Variants in PPP6R3 observed in about 807,000 individuals in gnomAD.
The protein encoded by PPP6R3 is protein phosphatase 6 regulatory subunit 3.
PPP6R3 carries 38 observed loss-of-function variants against 110.7 expected under a neutral mutation model. The ratio of observed to expected loss-of-function variants is 0.34; its 90% CI spans 0.26 to 0.45. PPP6R3 has a LOEUF of 0.45. PPP6R3 is among the 20% of genes least tolerant of loss of function. The pLI, the probability that PPP6R3 is intolerant of heterozygous loss-of-function variation, is 1.00. For synonymous variants in PPP6R3, 369 were observed against 373.5 expected (o/e 0.99, Z 0.14); for missense variants, 870 against 1,062.4 (o/e 0.82, Z 2.52).
chr11:68,508,121 C>CTTTTTTTTTTTTTTTTTTT lies in PPP6R3; in HGVS notation c.-157-11373_-157-11355dup, dbSNP rs748376581. Among the ~76,000 whole-genome samples the CTTTTTTTTTTTTTTTTTTT allele has an allele frequency of 3.9e-4, 30 of 77,620 alleles. 3 individuals carry two copies. Among genetic ancestry groups the CTTTTTTTTTTTTTTTTTTT allele is most frequent in the African/African-American group, 1.8e-3 (30 of 16,440 alleles). 50.9% of individuals were successfully genotyped at this position (77,620 alleles called of 152,430 possible). Reference sequence around the variant, plus strand: ...CCCCGGCCTAAGTGAGTTTTTTGGCCTTTTTTTTTTTTTTTTTTTTTTTTT... The same window carrying CTTTTTTTTTTTTTTTTTTT: ...CCCCGGCCTAAGTGAGTTTTTTGGCCTTTTTTTTTTTTTTTTTTTTTTTTTTTTTTTTTTTTTTTTTTTT... On this transcript the variant is annotated intron_variant, in intron 1 of 23. Coordinates refer to ENST00000393800, the MANE Select transcript of PPP6R3 (RefSeq NM_001164161.2).
At chr11:68,611,186 G>A (rs1291115082) in intron 23 of PPP6R3, among the ~76,000 whole-genome samples, 9 of 152,126 alleles carry the variant, frequency 5.9e-5, no homozygotes, top group African/African-American at 1.9e-4. Context: ...GGGTTTCAAT[G>A]TATTTTTTAA....
At chr11:68,493,671 G>C (rs1057337257) in intron 1 of PPP6R3, among the ~76,000 whole-genome samples, 28 of 149,222 alleles carry the variant, frequency 1.9e-4, no homozygotes, top group African/African-American at 5.9e-4. Flanking sequence ...CACACACACA[G>C]AGACAGAGTA....
chr11:68,487,277 G>T (rs188636113), intron 1 of PPP6R3, among the ~76,000 whole-genome samples: 15 of 152,214 alleles, frequency 9.9e-5, no homozygotes, highest in Admixed American at 9.8e-4. Flanking sequence ...TCAAGGCCAG[G>T]TGCAATGGCT....
chr11:68,477,739 A>ATATATATATATAT (rs768026020), intron 1 of PPP6R3, among the ~76,000 whole-genome samples: 13 of 80,396 alleles, frequency 1.6e-4, no homozygotes, highest in African/African-American at 5.7e-4. Context: ...AAAAAAAAAA[A>ATATATATATATAT]AAATATATAT....
In PPP6R3 at chr11:68,609,893, C is replaced by G. The variant is rs755252271; in HGVS notation, c.2451-11C>G. The G allele has an allele frequency of 6.2e-7, 1 of 1,613,782 alleles. No homozygotes were observed. Among genetic ancestry groups the G allele is most frequent in the Non-Finnish European group, 8.5e-7 (1 of 1,179,864 alleles). ...GGGTGTTTGATGTGCCTGTCATCCT[C>G]TTTACTGCAGTGAGGAAGGGAAACT... On this transcript the variant is annotated splice_polypyrimidine_tract_variant and intron_variant, in intron 22 of 23. Coordinates refer to ENST00000393800, the MANE Select transcript of PPP6R3 (RefSeq NM_001164161.2).
chr11:68,615,240 T>TTGGCC lies in PPP6R3; in HGVS notation c.*2124_*2128dup. 2.7e-6 allele frequency: 1 copy of TTGGCC among 375,202 alleles called. No homozygotes were observed. Among genetic ancestry groups the TTGGCC allele is most frequent in the Non-Finnish European group, 5.3e-6 (1 of 189,112 alleles). 23.2% of individuals were successfully genotyped at this position (375,202 alleles called of 1,614,324 possible). A position where few individuals can be genotyped will look rare whatever the true frequency, so the allele number is the denominator to read the frequency against. ...TGTTTCTACTTTTAATTTCTGTGTGTTGGCCATACTGAATTATGAGACTAA... is the reference window on the plus strand; with the variant it reads ...TGTTTCTACTTTTAATTTCTGTGTGTTGGCCTGGCCATACTGAATTATGAGACTAA... On this transcript the variant is annotated 3_prime_UTR_variant, in exon 24 of 24. Coordinates refer to ENST00000393800, the MANE Select transcript of PPP6R3 (RefSeq NM_001164161.2).
At chr11:68,509,470 ATT>A (rs34228704) in intron 1 of PPP6R3, among the ~76,000 whole-genome samples, 25 of 116,444 alleles carry the variant, frequency 2.1e-4, no homozygotes, top group African/African-American at 3.8e-4. Flanking sequence ...TTACTTCTCT[ATT>A]TTTTTTTTTT....
intron 22 of PPP6R3, among the ~76,000 whole-genome samples, chr11:68,608,136 CAAAATT>C (rs1941352666): frequency 6.7e-6 from 1 of 149,754 alleles, no homozygotes; most frequent in African/African-American, 2.5e-5. Flanking sequence ...ATGCTGCAGA[CAAAATT>C]AAGAGGCTGA....
chr11:68,486,868 G>A (rs1484660444), intron 1 of PPP6R3, among the ~76,000 whole-genome samples: 2 of 152,056 alleles, frequency 1.3e-5, no homozygotes, highest in Non-Finnish European at 2.9e-5. Context: ...AACATTTTGA[G>A]CATAGAATAG....
chr11:68,589,429 G>A (rs1644240521), intron 16 of PPP6R3, among the ~76,000 whole-genome samples: 1 of 152,090 alleles, frequency 6.6e-6, no homozygotes, highest in Non-Finnish European at 1.5e-5. Context: ...AGAGAAATGA[G>A]AATTATTGAT....
At chr11:68,470,034 T>C (rs747215666) in intron 1 of PPP6R3, among the ~76,000 whole-genome samples, 12 of 152,256 alleles carry the variant, frequency 7.9e-5, no homozygotes, top group Non-Finnish European at 1.5e-4. Context: ...TCTGTGATCC[T>C]TTTATTCAGA....
Position 68,475,847 on chromosome 11 carries a change from C to T in PPP6R3, c.-158+15020C>T, listed in dbSNP as rs530899626. Among the ~76,000 whole-genome samples, 23 of 151,400 alleles carry T rather than the reference C, an allele frequency of 1.5e-4. No individual in the cohort carries two copies. In the East Asian group the frequency reaches 2.2e-3, roughly 14 times the overall value. The stretch of plus-strand genomic sequence containing the variant: ...ACGGGGTGGCCGGGCAGAGACGCTC[C>T]TCACCTCCCAGATGGGATCGCGGAC... On this transcript the variant is annotated intron_variant, in intron 1 of 23. Transcript: ENST00000393800.
rs536997841 is a variant in PPP6R3 at position 68,515,431 on chromosome 11, C to T, written c.-157-4070C>T. On this transcript the variant is annotated intron_variant, in intron 1 of 23. Transcript: ENST00000393800. ...AGAACCAGGAGCTGGAGGGGTGAGG[C>T]GGTAGGGGGGCAGCAATCCTGAAAC... is the stretch of plus-strand genomic sequence containing the variant. 6.6e-5 allele frequency among the ~76,000 whole-genome samples: 10 copies of T among 152,206 alleles called. No individual in the cohort carries two copies. In the South Asian group the frequency reaches 1.0e-3, roughly 16 times the overall value.
intron 1 of PPP6R3, among the ~76,000 whole-genome samples, chr11:68,498,205 C>T (rs1056930279): frequency 3.9e-5 from 6 of 152,056 alleles, no homozygotes; most frequent in Non-Finnish European, 8.8e-5. Context: ...GCTATTTTAC[C>T]AGCAGTTCCA....
intron 1 of PPP6R3, among the ~76,000 whole-genome samples, chr11:68,465,054 G>A (rs2098736122): frequency 6.6e-6 from 1 of 151,976 alleles, no homozygotes; most frequent in African/African-American, 2.4e-5. Flanking sequence ...GCTCATTTTT[G>A]TATTTTTAGT....
intron 1 of PPP6R3, among the ~76,000 whole-genome samples, chr11:68,467,617 A>G (rs2098757637): frequency 6.6e-6 from 1 of 152,216 alleles, no homozygotes; most frequent in Admixed American, 6.5e-5. Flanking sequence ...GGCAGTTCAC[A>G]CTGCCTGCTC....
chr11:68,537,323 T>C (rs1941057), intron 2 of PPP6R3, among the ~76,000 whole-genome samples: 152,087 of 152,306 alleles, frequency 1, 75,935 homozygotes, highest in Middle Eastern at 1. Flanking sequence ...ATATTCTGTT[T>C]TTCACCCTTA....
At chr11:68,576,186 T>G in intron 14 of PPP6R3, 143 bp downstream of exon 14, 1 of 600,198 alleles carries the variant, frequency 1.7e-6, no homozygotes, top group Non-Finnish European at 2.8e-6. Context: ...GGGAGAGAGG[T>G]CAGTATTCAC....
Position 68,558,688 on chromosome 11 carries a change from T to A in PPP6R3, c.845+9T>A. ...GAGACACGACGACCAACGTAAGCTT[T>A]TCTTATATCTTACAAAATGAACCAT... On this transcript the variant is annotated intron_variant, in intron 8 of 23. Coordinates refer to ENST00000393800, the MANE Select transcript of PPP6R3 (RefSeq NM_001164161.2). 6.4e-7 allele frequency: 1 copy of A among 1,567,710 alleles called. No individual in the cohort carries two copies. The highest frequency in any genetic ancestry group is 1.4e-5 in the African/African-American group (1 of 73,776).
Sources: allele counts gnomAD v4.1 joint callset (sites outside exome capture counted in the v4.1 genomes callset), GRCh38; gene constraint gnomAD v4.1.1; transcripts MANE v1.5; gene names NCBI Gene and HGNC (gene_info 2026-07-23, HGNC 2026-07-21).